Variants in TRAF3 observed in about 807,000 individuals in gnomAD.
TRAF3 encodes TNF receptor associated factor 3.
Under a neutral mutation model 62.3 loss-of-function variants are expected in TRAF3, and 13 were observed. The ratio of observed to expected loss-of-function variants is 0.21; its 90% CI spans 0.14 to 0.33. TRAF3 has a LOEUF of 0.33. Among genes scored for constraint, TRAF3 ranks in the 10% least tolerant of loss-of-function variants. The pLI is 1.00. For synonymous variants in TRAF3, 269 were observed against 283.4 expected (o/e 0.95, Z 0.51); for missense variants, 440 against 741.8 (o/e 0.59, Z 4.73).
chr14:102,895,075 A>T lies in TRAF3; in HGVS notation c.820-2186A>T, dbSNP rs138513269. The T allele has an allele frequency of 5.2e-3, 2,385 of 455,748 alleles. 16 individuals are homozygous for T. The highest frequency in any genetic ancestry group is 8.4e-3 in the Non-Finnish European group (1,895 of 226,708). 28.2% of individuals were successfully genotyped at this position (455,748 alleles called of 1,614,324 possible). On this transcript the variant is annotated intron_variant, in intron 9 of 11. Transcript: ENST00000392745. ...GCATACATGTCATCTTTTTGCAGGG[A>T]TATGAGAATAAAGAGTCTGAGAATT...
chr14:102,839,210 CTTTTTTTT>C (rs56998347), intron 2 of TRAF3, among the ~76,000 whole-genome samples: 16,861 of 90,342 alleles, frequency 0.19, 1,341 homozygotes, highest in Admixed American at 0.32. Context: ...GTTGATTTGC[CTTTTTTTT>C]TTTTTTTTTT....
intron 4 of TRAF3, among the ~76,000 whole-genome samples, chr14:102,872,604 G>C (rs1888403318): frequency 6.6e-6 from 1 of 152,226 alleles, no homozygotes; most frequent in Admixed American, 6.5e-5. Context: ...CATGGAGACT[G>C]ACAGTCATCC....
intron 9 of TRAF3, among the ~76,000 whole-genome samples, chr14:102,896,085 T>C (rs969848187): frequency 2.0e-5 from 3 of 152,204 alleles, no homozygotes; most frequent in Non-Finnish European, 4.4e-5. Context: ...TGGGGTACAG[T>C]GTAATGTTTT....
chr14:102,857,272 T>G (rs1887427650), intron 2 of TRAF3, among the ~76,000 whole-genome samples: 1 of 152,134 alleles, frequency 6.6e-6, no homozygotes, highest in African/African-American at 2.4e-5. Context: ...GAAAAAAAAC[T>G]TAAAAACAAC....
Position 102,798,810 on chromosome 14 carries a change from TC to T in TRAF3, c.-157+21137del, listed in dbSNP as rs1898236462. Among the ~76,000 whole-genome samples the T allele has an allele frequency of 1.3e-5, 2 of 152,208 alleles. 1 individual carries two copies. Among genetic ancestry groups the T allele is most frequent in the South Asian group, 4.1e-4 (2 of 4,830 alleles). On this transcript the variant is annotated intron_variant, in intron 1 of 11. Transcript: ENST00000392745. Reference sequence around the variant, plus strand: ...TTGTAAAGCACTTCATGGGTGCCAGTCCTGCTGTTACAGTGCTAGGTAAATG... The same window carrying T: ...TTGTAAAGCACTTCATGGGTGCCAGTCTGCTGTTACAGTGCTAGGTAAATG...
Position 102,903,826 on chromosome 14 carries a change from C to T in TRAF3, c.1135+397C>T, listed in dbSNP as rs9671376. Reference sequence around the variant, plus strand: ...AAGGGCCAGGGGGCAGCAGTCCCACCGCGCTCTGCCAGCATGTTTCTGATC... The same window carrying T: ...AAGGGCCAGGGGGCAGCAGTCCCACTGCGCTCTGCCAGCATGTTTCTGATC... On this transcript the variant is annotated intron_variant, in intron 11 of 11. Transcript: ENST00000392745. This position sits in a 1 kb window ranked among gnomAD's most constrained non-coding sequence, Gnocchi z 6.4. The T allele has an allele frequency of 0.31, 146,102 of 468,476 alleles. 32,092 individuals are homozygous for T. The highest frequency in any genetic ancestry group is 0.83 in the African/African-American group (41,908 of 50,750). 29.0% of individuals were successfully genotyped at this position (468,476 alleles called of 1,614,324 possible). A position where few individuals can be genotyped will look rare whatever the true frequency, so the allele number is the denominator to read the frequency against.
Position 102,827,324 on chromosome 14 carries a change from A to C in TRAF3, c.-156-3010A>C, listed in dbSNP as rs548236592. On this transcript the variant is annotated intron_variant, in intron 1 of 11. Transcript: ENST00000392745. ...ACGGCGGTTCCCCACAGTCAGATTG[A>C]GTATCCCTTATCTGAAATGCTTGGG... Among the ~76,000 whole-genome samples, 107 of 152,316 alleles carry C rather than the reference A, an allele frequency of 7.0e-4. 1 individual carries two copies. Among genetic ancestry groups the C allele is most frequent in the Admixed American group, 1.2e-3 (19 of 15,304 alleles).
chr14:102,809,512 A>G (rs1393140681), intron 1 of TRAF3, among the ~76,000 whole-genome samples: 3 of 149,876 alleles, frequency 2.0e-5, no homozygotes, highest in African/African-American at 7.3e-5. Context: ...TTATAATAAA[A>G]TCTTTCACAG....
At chr14:102,866,540 A>C (rs1888002993) in intron 2 of TRAF3, among the ~76,000 whole-genome samples, 1 of 152,182 alleles carries the variant, frequency 6.6e-6, no homozygotes, top group African/African-American at 2.4e-5. Flanking sequence ...ACGAGACAGG[A>C]ACCCAATTAA....
intron 6 of TRAF3, among the ~76,000 whole-genome samples, chr14:102,885,334 A>G (rs1037066796): frequency 1.3e-5 from 2 of 152,184 alleles, no homozygotes. Context: ...ACCTGAAAAG[A>G]TGGATGGGGG....
intron 1 of TRAF3, among the ~76,000 whole-genome samples, chr14:102,777,893 C>T (rs2140034637): frequency 6.7e-6 from 1 of 149,304 alleles, no homozygotes; most frequent in South Asian, 2.1e-4. Flanking sequence ...CGCCTCCGGA[C>T]GCCTCAACTT....
At chr14:102,787,857 C>CTTTTT (rs1251817577) in intron 1 of TRAF3, among the ~76,000 whole-genome samples, 2 of 120,732 alleles carry the variant, frequency 1.7e-5, no homozygotes, top group Non-Finnish European at 3.6e-5. Context: ...TTTCCTTTTT[C>CTTTTT]TTTTTTTTTT....
chr14:102,869,843 C>T (rs1229279908), intron 2 of TRAF3, among the ~76,000 whole-genome samples: 2 of 151,838 alleles, frequency 1.3e-5, no homozygotes, highest in African/African-American at 4.8e-5. Flanking sequence ...CAGGGCCTCG[C>T]TCTGTTGCTC....
intron 1 of TRAF3, among the ~76,000 whole-genome samples, chr14:102,803,754 C>T (rs1187586965): frequency 6.6e-6 from 1 of 152,226 alleles, no homozygotes; most frequent in East Asian, 1.9e-4. Context: ...TGGTGGCCGG[C>T]TCTGCTCGCT....
intron 9 of TRAF3, among the ~76,000 whole-genome samples, chr14:102,894,516 C>T (rs954744497): frequency 2.0e-5 from 3 of 152,182 alleles, no homozygotes; most frequent in Admixed American, 2.0e-4. Context: ...GGTGTTTTGC[C>T]GGCTCCTTGG....
intron 1 of TRAF3, among the ~76,000 whole-genome samples, chr14:102,806,407 C>A (rs1898775968): frequency 6.6e-6 from 1 of 152,188 alleles, no homozygotes; most frequent in African/African-American, 2.4e-5. Context: ...CCCTTCCCAA[C>A]ATGCCATAAT....
Position 102,854,954 on chromosome 14 carries a change from G to T in TRAF3, c.-17-15231G>T, listed in dbSNP as rs540519905. ...TATCTGGTTCCAACACATTTTTTTC[G>T]TTCCCAAAAGGAAACCCCATACCCA... On this transcript the variant is annotated intron_variant, in intron 2 of 11. Coordinates refer to ENST00000392745, the MANE Select transcript of TRAF3 (RefSeq NM_145725.3). Among the ~76,000 whole-genome samples the T allele has an allele frequency of 4.2e-4, 63 of 151,734 alleles. No individual in the cohort carries two copies. The South Asian group carries it at 0.011, about 27-fold the overall frequency.
chr14:102,825,656 A>G (rs1900266922), intron 1 of TRAF3, among the ~76,000 whole-genome samples: 1 of 152,244 alleles, frequency 6.6e-6, no homozygotes, highest in African/African-American at 2.4e-5. Context: ...GGACAGATCA[A>G]TGGGGGAAGA....
intron 2 of TRAF3, among the ~76,000 whole-genome samples, chr14:102,837,288 G>C (rs1237237237): frequency 4.0e-5 from 6 of 151,882 alleles, no homozygotes; most frequent in Non-Finnish European, 8.8e-5. Flanking sequence ...ACAGGTGCAT[G>C]CCACCACACC....
Sources: gnomAD v4.1 joint callset for allele counts (sites outside exome capture counted in the v4.1 genomes callset) on GRCh38, gnomAD v4.1.1 for gene constraint, Gnocchi (gnomAD v3.1) non-coding constraint, MANE v1.5 for transcripts, NCBI Gene and HGNC (gene_info 2026-07-23, HGNC 2026-07-21) for gene names.